The following GLI3 variants were observed in gnomAD, a reference collection of about 807,000 sequenced individuals.
The protein encoded by GLI3 is GLI family zinc finger 3.
A neutral mutation model predicts 100.8 loss-of-function variants in GLI3; 20 were observed. The observed-to-expected ratio is 0.20, with a 90% CI of 0.14 to 0.29. The LOEUF (loss-of-function observed/expected upper bound fraction) is 0.29. GLI3 is among the 10% of genes least tolerant of loss of function. The probability of loss-of-function intolerance (pLI) is 1.00; values close to 1 mark genes in which losing one functional copy is unlikely to be tolerated. For synonymous variants in GLI3, 938 were observed against 860.5 expected, an observed-to-expected ratio of 1.09 and a Z score of -1.58; for missense variants, 2,040 against 2,128.5, an observed-to-expected ratio of 0.96 and a Z score of 0.82.
chr7:42,158,857 C>T (rs1026744964), intron 2 of GLI3, among the ~76,000 whole-genome samples: 1 of 152,166 alleles, frequency 6.6e-6, no homozygotes, highest in Non-Finnish European at 1.5e-5. Context: ...AGGAAGAATA[C>T]TACAGACTTT....
At chr7:42,232,821 A>G (rs1237496729) in intron 1 of GLI3, among the ~76,000 whole-genome samples, 1 of 152,218 alleles carries the variant, frequency 6.6e-6, no homozygotes. Flanking sequence ...TTTTTCATTC[A>G]GCTTCTTTAG....
At chr7:42,023,286 C>G (rs1231505354) in intron 10 of GLI3, among the ~76,000 whole-genome samples, 182 bp downstream of exon 10, 1 of 152,206 alleles carries the variant, frequency 6.6e-6, no homozygotes, top group South Asian at 2.1e-4. Flanking sequence ...TCAGCTTTAG[C>G]TGACTGAACA....
In GLI3 at chr7:42,262,028, C is replaced by CTCTCTCTT. The variant is rs1453724494; in HGVS notation, c.-43+1965_-43+1966insAAGAGAGA. 6.2e-3 allele frequency among the ~76,000 whole-genome samples: 907 copies of CTCTCTCTT among 145,652 alleles called. 6 individuals are homozygous for CTCTCTCTT. Among genetic ancestry groups the CTCTCTCTT allele is most frequent in the African/African-American group, 0.021 (831 of 39,436 alleles). ...TTCTTTCTTTCCTTCCTCTCTCTCT[C>CTCTCTCTT]TCTTTCTTTCTTTCTTTCTTTTTTC... On this transcript the variant is annotated intron_variant, in intron 1 of 2. Transcript: ENST00000678978.
intron 6 of GLI3, among the ~76,000 whole-genome samples, chr7:42,044,876 C>A (rs1000917974): frequency 3.3e-5 from 5 of 152,068 alleles, no homozygotes; most frequent in African/African-American, 1.2e-4. Context: ...TCAAGACAAT[C>A]ACGACAGGAA....
chr7:42,114,293 T>C (rs541432425), intron 3 of GLI3, among the ~76,000 whole-genome samples: 1 of 152,234 alleles, frequency 6.6e-6, no homozygotes, highest in African/African-American at 2.4e-5. Flanking sequence ...GGTTTTATCT[T>C]GGCTTTCTGA....
chr7:41,965,535 C>A lies in GLI3; in HGVS notation c.3538G>T (p.Gly1180Trp). 1.2e-6 allele frequency: 2 copies of A among 1,605,406 alleles called. No homozygotes were observed. Among genetic ancestry groups the A allele is most frequent in the Non-Finnish European group, 1.7e-6 (2 of 1,173,146 alleles). ...GTCTGCGGCACAGCGGGCCGCGGCC[C>A]ACACTTGAGCTTGGAGGAGGACAGG... ...ADLSSSKLKC[G>W]PRPAVPQTRA... The change falls in exon 15 of 15, where the codon GGG (glycine) becomes TGG (tryptophan). Residue 1180 changes from glycine (G) to tryptophan (W), a missense_variant. Gly to Trp is a radical substitution (Grantham distance 184). Transcript: ENST00000395925.
intron 3 of GLI3, among the ~76,000 whole-genome samples, chr7:42,137,014 G>T (rs941800065): frequency 2.6e-5 from 4 of 152,210 alleles, no homozygotes; most frequent in African/African-American, 9.7e-5. Context: ...CCTCAGTTCA[G>T]CCACTTCCAA....
chr7:41,996,115 T>C (rs572971679), intron 10 of GLI3, among the ~76,000 whole-genome samples: 1 of 152,312 alleles, frequency 6.6e-6, no homozygotes, highest in Non-Finnish European at 1.5e-5. Context: ...GAGAGAAAAC[T>C]GCTGTTTTTA....
At chr7:42,160,798 G>A (rs1421024608) in intron 2 of GLI3, among the ~76,000 whole-genome samples, 3 of 152,132 alleles carry the variant, frequency 2.0e-5, no homozygotes, top group Non-Finnish European at 2.9e-5. Context: ...AACCTCTAAG[G>A]CAACAGACCA....
In GLI3 at chr7:42,148,416, A is replaced by G. The variant is rs1379858749; in HGVS notation, c.177T>C (p.Thr59=). The G allele has an allele frequency of 1.2e-6, 2 of 1,613,944 alleles. No homozygotes were observed. Among genetic ancestry groups the G allele is most frequent in the South Asian group, 1.1e-5 (1 of 91,080 alleles). ...TYHRERRNAI[T]MQPQNVQGLS... ...GCCCCTGGACATTCTGTGGCTGCATAGTGATTGCGTTTCTTCTCTCTCTGT... is the reference window on the plus strand; with the variant it reads ...GCCCCTGGACATTCTGTGGCTGCATGGTGATTGCGTTTCTTCTCTCTCTGT... The change falls in exon 3 of 15, where the codon ACT becomes ACC. Residue 59 remains threonine, a synonymous_variant. Coordinates refer to ENST00000395925, the MANE Select transcript of GLI3 (RefSeq NM_000168.6).
At position 42,180,418 on chromosome 7, in the gene GLI3, G is replaced by A. The variant is rs1787569477; in HGVS notation, c.125-31950C>T. 2.0e-5 allele frequency among the ~76,000 whole-genome samples: 3 copies of A among 152,242 alleles called. No individual in the cohort carries two copies. The South Asian group carries it at 6.2e-4, about 31-fold the overall frequency. ...CTGTGAAAGAGAGCTTACACACAGAGGAGCCAGGGGAAGGTGGCAGCTGGT... is the reference window on the plus strand; with the variant it reads ...CTGTGAAAGAGAGCTTACACACAGAAGAGCCAGGGGAAGGTGGCAGCTGGT... On this transcript the variant is annotated intron_variant, in intron 2 of 14. Transcript: ENST00000395925.
intron 3 of GLI3, among the ~76,000 whole-genome samples, chr7:42,135,519 G>A (rs1786407143): frequency 6.6e-6 from 1 of 152,184 alleles, no homozygotes; most frequent in Non-Finnish European, 1.5e-5. Context: ...GCAAGTATCA[G>A]TCCTACTTGC....
chr7:42,166,673 T>C (rs1374211650), intron 2 of GLI3, among the ~76,000 whole-genome samples: 1 of 145,460 alleles, frequency 6.9e-6, no homozygotes, highest in African/African-American at 2.6e-5. Flanking sequence ...TTTTTTTTTT[T>C]TTTTGAGACA....
At chr7:42,039,711 C>T (rs1784090880) in intron 7 of GLI3, among the ~76,000 whole-genome samples, 1 of 152,142 alleles carries the variant, frequency 6.6e-6, no homozygotes, top group Non-Finnish European at 1.5e-5. Context: ...CAGTTTTCCT[C>T]TAGAGAACAT....
chr7:42,160,917 T>C (rs545747465), intron 2 of GLI3, among the ~76,000 whole-genome samples: 1 of 152,314 alleles, frequency 6.6e-6, no homozygotes, highest in South Asian at 2.1e-4. Context: ...AAACTGGTCA[T>C]CTCTTTTACC....
intron 10 of GLI3, among the ~76,000 whole-genome samples, chr7:42,017,496 C>A (rs941446230): frequency 6.6e-6 from 1 of 152,284 alleles, no homozygotes; most frequent in South Asian, 2.1e-4. Context: ...CCCAGCCCAC[C>A]CCAAACTCCC....
intron 10 of GLI3, among the ~76,000 whole-genome samples, chr7:42,007,652 A>G (rs2128724221): frequency 6.6e-6 from 1 of 152,336 alleles, no homozygotes; most frequent in South Asian, 2.1e-4. Context: ...TAATTTCTAA[A>G]GAAAATTATA....
At chr7:42,182,662 A>ATATATATATACACATGTGTG (rs1554337072) in intron 2 of GLI3, among the ~76,000 whole-genome samples, 2 of 76,742 alleles carry the variant, frequency 2.6e-5, no homozygotes, top group African/African-American at 1.3e-4. Flanking sequence ...ATATATATAT[A>ATATATATATACACATGTGTG]TATATATATA....
At position 42,184,048 on chromosome 7, in the gene GLI3, C is replaced by T. The variant is rs893189826; in HGVS notation, c.125-35580G>A. Reference sequence around the variant, plus strand: ...AATGGGGAGGGATAATGACAGTAGCCACTTGATAGGATTACCGAGGATTAG... The same window carrying T: ...AATGGGGAGGGATAATGACAGTAGCTACTTGATAGGATTACCGAGGATTAG... On this transcript the variant is annotated intron_variant, in intron 2 of 14. Coordinates refer to ENST00000395925, the MANE Select transcript of GLI3 (RefSeq NM_000168.6). 2.6e-5 allele frequency among the ~76,000 whole-genome samples: 4 copies of T among 152,292 alleles called. No homozygotes were observed. The Middle Eastern group carries it at 0.01, about 389-fold the overall frequency.
Sources: gnomAD v4.1 joint callset for allele counts (sites outside exome capture counted in the v4.1 genomes callset) on GRCh38, gnomAD v4.1.1 for gene constraint, MANE v1.5 for transcripts, NCBI Gene and HGNC (gene_info 2026-07-23, HGNC 2026-07-21) for gene names.